MUC17: variants seen among roughly 807,000 people sequenced by gnomAD.
MUC17 encodes mucin-17.
In MUC17, 190 loss-of-function variants were observed where a neutral mutation model predicts 170.3. That is an observed-to-expected ratio of 1.12 (90% CI 0.99 to 1.26). The LOEUF (loss-of-function observed/expected upper bound fraction) is 1.26, where lower values mean the gene tolerates loss of function less well. Ranked by LOEUF, MUC17 falls within the 50% of genes most tolerant of loss-of-function variation. The probability of loss-of-function intolerance (pLI) is 0.00; values close to 1 mark genes in which losing one functional copy is unlikely to be tolerated. For missense variants in MUC17, 6,415 were observed against 5,530.0 expected (o/e 1.16, Z -5.08); for synonymous variants, 2,325 against 2,002.5 (o/e 1.16, Z -4.30).
In MUC17 at chr7:101,035,815, G is replaced by T. The variant is rs769203750; in HGVS notation, c.4399G>T (p.Val1467Leu). The change falls in exon 3 of 13, where the codon GTG becomes TTG. Residue 1467 changes from valine to leucine, a missense_variant. Transcript: ENST00000306151. ...AAGTATACCTGTCAGCAACACGCCG[G>T]TGGCCAATTCTGAGGCTAGCACCCT... ...LKSIPVSNTP[V>L]ANSEASTLST... 5 of 1,603,246 alleles carry T rather than the reference G, an allele frequency of 3.1e-6. No individual in the cohort carries two copies. Among genetic ancestry groups the T allele is most frequent in the Middle Eastern group, 1.7e-4 (1 of 5,984 alleles).
Position 101,043,121 on chromosome 7 carries a change from C to T in MUC17, c.11705C>T (p.Thr3902Ile), listed in dbSNP as rs752282582. 6.2e-7 allele frequency: 1 copy of T among 1,614,094 alleles called. No homozygotes were observed. The highest frequency in any genetic ancestry group is 1.3e-5 in the African/African-American group (1 of 74,930). ...ATAGCTTCGACACCTCCTCTTGACA[C>T]AAGCACAACTTTTACCCCTTCTACT... ...ASIASTPPLD[T>I]STTFTPSTDT... Residue 3902 changes from threonine to isoleucine, a missense_variant, in exon 3 of 13, where the codon ACA (threonine) becomes ATA (isoleucine). Physicochemically the swap from Thr to Ile is moderately conservative, Grantham distance 89. Transcript: ENST00000306151.
Position 101,035,059 on chromosome 7 carries a change from G to T in MUC17, c.3643G>T (p.Gly1215Ter). ...TACCAGCATGCCAACCTCAACTCCT[G>T]GAGAAAGAAGCACTCCATTAACAAG... ...EVTSMPTSTP[G>*]ERSTPLTSMP... The change falls in exon 3 of 13, where the codon GGA (glycine) becomes TGA (stop). Residue 1215 changes from glycine to a stop codon, truncating the protein, a stop_gained. Transcript: ENST00000306151. LOFTEE classifies it high-confidence loss of function. The T allele has an allele frequency of 6.2e-7, 1 of 1,605,186 alleles. No individual in the cohort carries two copies. Among genetic ancestry groups the T allele is most frequent in the Non-Finnish European group, 8.5e-7 (1 of 1,176,522 alleles).
Position 101,042,453 on chromosome 7 carries a change from T to G in MUC17, c.11037T>G (p.Pro3679=). 1 of 1,614,042 alleles carries G rather than the reference T, an allele frequency of 6.2e-7. No individual in the cohort carries two copies. Among genetic ancestry groups the G allele is most frequent in the Non-Finnish European group, 8.5e-7 (1 of 1,179,968 alleles). Residue 3679 remains proline (P), a synonymous_variant, in exon 3 of 13, where the codon CCT becomes CCG. Transcript: ENST00000306151. ...STQVSSSPVT[P]EGTTMPIWTP... Reference sequence around the variant, plus strand: ...AAGTCAGTTCATCTCCTGTGACTCCTGAAGGTACCACCATGCCAATCTGGA... The same window carrying G: ...AAGTCAGTTCATCTCCTGTGACTCCGGAAGGTACCACCATGCCAATCTGGA...
At chr7:101,056,118 G>T in intron 11 of MUC17, 76 bp from the exon 12 acceptor site, 3 of 1,599,544 alleles carry the variant, frequency 1.9e-6, no homozygotes, top group South Asian at 1.1e-5. Context: ...TCCTCCATCA[G>T]ATGGGATTAA....
chr7:101,040,711 A>T lies in MUC17; in HGVS notation c.9295A>T (p.Thr3099Ser). 6.2e-7 allele frequency: 1 copy of T among 1,613,136 alleles called. No homozygotes were observed. Among genetic ancestry groups the T allele is most frequent in the Non-Finnish European group, 8.5e-7 (1 of 1,179,766 alleles). Residue 3099 changes from threonine to serine, a missense_variant, in exon 3 of 13, where the codon ACT becomes TCT. Physicochemically the swap from Thr to Ser is moderately conservative, Grantham distance 58. Coordinates refer to ENST00000306151, the MANE Select transcript of MUC17 (RefSeq NM_001040105.2). The part of the protein sequence containing the change: ...PAEGTSMPIS[T>S]YSEGSTPLTG... ...TGAAGGTACCAGCATGCCAATCTCAACTTATAGTGAAGGAAGCACTCCATT... is the reference window on the plus strand; with the variant it reads ...TGAAGGTACCAGCATGCCAATCTCATCTTATAGTGAAGGAAGCACTCCATT...
chr7:101,023,481 G>A (rs1286069417), intron 1 of MUC17, among the ~76,000 whole-genome samples: 1 of 152,142 alleles, frequency 6.6e-6, no homozygotes, highest in East Asian at 1.9e-4. Context: ...CTGCCTCCCA[G>A]GTTCAAGTGA....
At position 101,051,647 on chromosome 7, in the gene MUC17, G is replaced by A. The variant is rs778012603; in HGVS notation, c.12909G>A (p.Val4303=). The A allele has an allele frequency of 1.1e-5, 18 of 1,611,846 alleles. No homozygotes were observed. The highest frequency in any genetic ancestry group is 1.5e-5 in the Non-Finnish European group (18 of 1,179,500). ...GTTTCAACACCACTGGCACCCAAGT[G>A]CAAAACATTACGGTGACCCAGTACG... ...MMCFNTTGTQ[V]QNITVTQYDP... The change falls in exon 8 of 13, where the codon GTG becomes GTA. Residue 4303 remains valine, a synonymous_variant. Coordinates refer to ENST00000306151, the MANE Select transcript of MUC17 (RefSeq NM_001040105.2).
rs73404820 is a variant in MUC17, at chr7:101,058,052, A to G, written c.*8A>G. 3,180 of 1,613,548 alleles carry G rather than the reference A, an allele frequency of 2.0e-3. 40 individuals carry two copies. The East Asian group carries it at 0.024, about 12-fold the overall frequency. On this transcript the variant is annotated 3_prime_UTR_variant, in exon 13 of 13. Transcript: ENST00000306151. ...ATGACGACATCATTTTAAGGCATGGAGCTGAGAAGTCTGGGAGTGAGGAGA... is the reference window on the plus strand; with the variant it reads ...ATGACGACATCATTTTAAGGCATGGGGCTGAGAAGTCTGGGAGTGAGGAGA...
chr7:101,041,594 G>A lies in MUC17; in HGVS notation c.10178G>A (p.Ser3393Asn). 6.3e-7 allele frequency: 1 copy of A among 1,579,582 alleles called. No individual in the cohort carries two copies. Among genetic ancestry groups the A allele is most frequent in the Non-Finnish European group, 8.6e-7 (1 of 1,165,034 alleles). The change falls in exon 3 of 13, where the codon AGT becomes AAT. Residue 3393 changes from serine to asparagine, a missense_variant. Ser to Asn is a conservative substitution (Grantham distance 46). Transcript: ENST00000306151. Reference sequence around the variant, plus strand: ...GAAGGTACCAGCATACCAACCTCAAGTCCTAGTGAAGGAACCACTCCATTA... The same window carrying A: ...GAAGGTACCAGCATACCAACCTCAAATCCTAGTGAAGGAACCACTCCATTA... ...TAEGTSIPTS[S>N]PSEGTTPLAS... is the part of the protein sequence containing the mutation.
intron 1 of MUC17, among the ~76,000 whole-genome samples, chr7:101,025,237 C>T (rs989418303): frequency 3.3e-5 from 5 of 151,748 alleles, no homozygotes; most frequent in South Asian, 2.1e-4. Flanking sequence ...GTGGTGTGCG[C>T]CTGTGGTCCC....
At chr7:101,022,030 G>A (rs1584853355) in intron 1 of MUC17, among the ~76,000 whole-genome samples, 2 of 152,154 alleles carry the variant, frequency 1.3e-5, no homozygotes, top group East Asian at 1.9e-4. Context: ...CCCAGCATGA[G>A]GGCCACCAAG....
In MUC17 at chr7:101,043,757, C is replaced by A. The variant is rs1794782150; in HGVS notation, c.12341C>A (p.Pro4114His). 3.1e-6 allele frequency: 5 copies of A among 1,614,096 alleles called. No homozygotes were observed. The highest frequency in any genetic ancestry group is 4.2e-6 in the Non-Finnish European group (5 of 1,179,996). Residue 4114 changes from proline to histidine, a missense_variant, in exon 3 of 13, where the codon CCC becomes CAC. Transcript: ENST00000306151. ...SFPTVTTTAV[P>H]TNTTIKSNPT... ...CCCACGGTGACCACCACCGCTGTCCCCACGAATACTACAATTAAGAGCAAC... is the reference window on the plus strand; with the variant it reads ...CCCACGGTGACCACCACCGCTGTCCACACGAATACTACAATTAAGAGCAAC...
chr7:101,041,621 C>T lies in MUC17; in HGVS notation c.10205C>T (p.Ala3402Val), dbSNP rs755220205. ...SSPSEGTTPL[A>V]SMPVSTTPVV... ...CCTAGTGAAGGAACCACTCCATTAGCAAGTATGCCTGTCAGCACCACGCCG... is the reference window on the plus strand; with the variant it reads ...CCTAGTGAAGGAACCACTCCATTAGTAAGTATGCCTGTCAGCACCACGCCG... The change falls in exon 3 of 13, where the codon GCA (alanine) becomes GTA (valine). Residue 3402 changes from alanine to valine, a missense_variant. By Grantham distance (64) the Ala-to-Val change is moderately conservative. Transcript: ENST00000306151. The T allele has an allele frequency of 6.2e-7, 1 of 1,613,960 alleles. No homozygotes were observed. Among genetic ancestry groups the T allele is most frequent in the Non-Finnish European group, 8.5e-7 (1 of 1,179,902 alleles).
rs1295999034 is a variant in MUC17 at position 101,041,201 on chromosome 7, C to T, written c.9785C>T (p.Ser3262Phe). ...ACCACTTCTACTGAAGCCAGTTCAT[C>T]TCCTCCCACTGCTGAAGGTACCAGC... Reference protein sequence around the residue: ...PLTTSTEASSSPPTAEGTSMP... With the variant: ...PLTTSTEASSFPPTAEGTSMP... Residue 3262 changes from serine (S) to phenylalanine (F), a missense_variant, in exon 3 of 13, where the codon TCT (serine) becomes TTT (phenylalanine). Ser to Phe is a radical substitution (Grantham distance 155). Coordinates refer to ENST00000306151, the MANE Select transcript of MUC17 (RefSeq NM_001040105.2). The T allele has an allele frequency of 3.1e-6, 5 of 1,613,258 alleles. No homozygotes were observed. The highest frequency in any genetic ancestry group is 4.2e-6 in the Non-Finnish European group (5 of 1,179,738).
In MUC17 at chr7:101,038,109, G is replaced by A. The variant is rs140606802; in HGVS notation, c.6693G>A (p.Pro2231=). Reference sequence around the variant, plus strand: ...CAAGTATGCCTGTCAGCACCATGCCGGTAGTTACTTCTGAGGCTAGCACCC... The same window carrying A: ...CAAGTATGCCTGTCAGCACCATGCCAGTAGTTACTTCTGAGGCTAGCACCC... The part of the protein sequence containing the change: ...PFTSMPVSTM[P]VVTSEASTLS... The change falls in exon 3 of 13, where the codon CCG becomes CCA. Residue 2231 remains proline, a synonymous_variant. Coordinates refer to ENST00000306151, the MANE Select transcript of MUC17 (RefSeq NM_001040105.2). The A allele has an allele frequency of 4.7e-5, 66 of 1,405,142 alleles. No individual in the cohort carries two copies. The African/African-American group carries it at 5.5e-4, about 12-fold the overall frequency. The allele number at this position is 1,405,142 out of a possible 1,614,324, so 87.0% of individuals were successfully genotyped here. A position where few individuals can be genotyped will look rare whatever the true frequency, so the allele number is the denominator to read the frequency against.
chr7:101,031,608 G>A lies in MUC17; in HGVS notation c.192G>A (p.Ala64=), dbSNP rs569484493. 1.9e-5 allele frequency: 29 copies of A among 1,527,936 alleles called. No homozygotes were observed. The highest frequency in any genetic ancestry group is 1.7e-4 in the South Asian group (13 of 75,794). 94.6% of individuals were successfully genotyped at this position (1,527,936 alleles called of 1,614,324 possible). A position where few individuals can be genotyped will look rare whatever the true frequency, so the allele number is the denominator to read the frequency against. ...QLSQHVRTGS[A]ANTATGTTST... The stretch of plus-strand genomic sequence containing the variant: ...TCATTGTATCTTAAACAGGTTCTGC[G>A]GCAAACACCGCCACAGGTACAACAT... The change falls in exon 3 of 13, where the codon GCG becomes GCA. Residue 64 remains alanine (A), a synonymous_variant. Transcript: ENST00000306151.
intron 1 of MUC17, among the ~76,000 whole-genome samples, chr7:101,025,753 C>T (rs1303678433): frequency 6.6e-6 from 1 of 150,550 alleles, no homozygotes; most frequent in Non-Finnish European, 1.5e-5. Flanking sequence ...AGGATCATGC[C>T]ACTGCGCTCC....
chr7:101,028,092 CT>C (rs368730167), intron 1 of MUC17, among the ~76,000 whole-genome samples: 2,349 of 127,326 alleles, frequency 0.018, 47 homozygotes, highest in African/African-American at 0.053. Context: ...TTTTTTAATT[CT>C]TTTTTTTTTT....
Position 101,036,553 on chromosome 7 carries a change from A to T in MUC17, c.5137A>T (p.Thr1713Ser), listed in dbSNP as rs1263996366. 1.2e-6 allele frequency: 2 copies of T among 1,610,910 alleles called. No homozygotes were observed. Among genetic ancestry groups the T allele is most frequent in the Non-Finnish European group, 1.7e-6 (2 of 1,178,346 alleles). Residue 1713 changes from threonine (T) to serine (S), a missense_variant, in exon 3 of 13, where the codon ACT becomes TCT. By Grantham distance (58) the Thr-to-Ser change is moderately conservative. Transcript: ENST00000306151. ...CTCTGCAATCAGCACCCTTTCAACA[A>T]CTCCCGTTGACAACAGCACACCTGT... ...ASSAISTLST[T>S]PVDNSTPVTT...
Sources: gnomAD v4.1 joint callset for allele counts (sites outside exome capture counted in the v4.1 genomes callset) on GRCh38, gnomAD v4.1.1 for gene constraint, MANE v1.5 for transcripts, NCBI Gene and HGNC (gene_info 2026-07-23, HGNC 2026-07-21) for gene names.